ARHGAP26: variants seen among roughly 807,000 people sequenced by gnomAD.
ARHGAP26 encodes Rho GTPase activating protein 26, also known as rho GTPase-activating protein 26.
ARHGAP26 carries 38 observed loss-of-function variants against 104.8 expected under a neutral mutation model. The ratio of observed to expected loss-of-function variants is 0.36; its 90% CI spans 0.28 to 0.48. The LOEUF (loss-of-function observed/expected upper bound fraction) is 0.48, where lower values mean the gene tolerates loss of function less well. Among genes scored for constraint, ARHGAP26 ranks in the 20% least tolerant of loss-of-function variants. The probability of loss-of-function intolerance (pLI) is 0.99; values close to 1 mark genes in which losing one functional copy is unlikely to be tolerated. For synonymous variants in ARHGAP26, 341 were observed against 340.0 expected (o/e 1.00, Z -0.03); for missense variants, 704 against 947.9 (o/e 0.74, Z 3.38).
In ARHGAP26 at chr5:142,892,274, A is replaced by G. The variant is rs137889973; in HGVS notation, c.487-1964A>G. Among the ~76,000 whole-genome samples the G allele has an allele frequency of 1.9e-3, 284 of 152,020 alleles. 7 individuals carry two copies. The highest frequency in any genetic ancestry group is 6.4e-3 in the African/African-American group (263 of 41,296). On this transcript the variant is annotated intron_variant, in intron 5 of 22. Coordinates refer to ENST00000645722, the MANE Select transcript of ARHGAP26 (RefSeq NM_001135608.3). ...TTTTCACTGTAAGAATCTGTCTCCC[A>G]TGGAACCCAGGTTGTCCCAGGGTAT...
chr5:142,987,093 C>T (rs968359763), intron 11 of ARHGAP26, among the ~76,000 whole-genome samples: 1 of 143,012 alleles, frequency 7.0e-6, no homozygotes, highest in African/African-American at 2.5e-5. Flanking sequence ...GGCGGTATGG[C>T]CATTTTCACG....
chr5:143,192,510 GGTTATA>G, intron 20 of ARHGAP26: 1 of 152,358 alleles, frequency 6.6e-6, no homozygotes, highest in Middle Eastern at 3.4e-3. Flanking sequence ...CATTTTAAAT[GGTTATA>G]TAAGTAGCTA....
chr5:143,035,697 A>G lies in ARHGAP26; in HGVS notation c.1145-1499A>G, dbSNP rs376693987. Among the ~76,000 whole-genome samples the G allele has an allele frequency of 2.2e-4, 33 of 152,292 alleles. 2 individuals are homozygous for G. The East Asian group carries it at 6.2e-3, about 28-fold the overall frequency. On this transcript the variant is annotated intron_variant, in intron 12 of 22. Transcript: ENST00000645722. ...ACGCCTGTAATCCCAGCATTTTGGG[A>G]GGCCGAGGCGGGTAGATCACCTGAG...
At chr5:143,032,181 G>A (rs1781974613) in intron 12 of ARHGAP26, among the ~76,000 whole-genome samples, 1 of 152,186 alleles carries the variant, frequency 6.6e-6, no homozygotes, top group African/African-American at 2.4e-5. Flanking sequence ...TCTAACCTGG[G>A]AGGCCAACCT....
chr5:142,882,603 G>A (rs1283111663), intron 4 of ARHGAP26, among the ~76,000 whole-genome samples: 1 of 152,188 alleles, frequency 6.6e-6, no homozygotes, highest in African/African-American at 2.4e-5. Flanking sequence ...ATGGCACACA[G>A]GACATGGAAA....
intron 4 of ARHGAP26, among the ~76,000 whole-genome samples, chr5:142,880,517 CAAAA>C (rs36049761): frequency 6.9e-6 from 1 of 144,592 alleles, no homozygotes. Context: ...ACTCCATGTC[CAAAA>C]AAAAAAAAAT....
intron 1 of ARHGAP26, among the ~76,000 whole-genome samples, chr5:142,782,798 A>G (rs1757788487): frequency 6.6e-6 from 1 of 152,206 alleles, no homozygotes; most frequent in Non-Finnish European, 1.5e-5. Flanking sequence ...AGATAATTGT[A>G]GATATTATGC....
At position 143,224,039 on chromosome 5, in the gene ARHGAP26, A is replaced by G. The variant is rs1811467199; in HGVS notation, c.*1593A>G. On this transcript the variant is annotated 3_prime_UTR_variant, in exon 23 of 23. Coordinates refer to ENST00000645722, the MANE Select transcript of ARHGAP26 (RefSeq NM_001135608.3). ...CTTCAGAGTGTTTCCTGTTTCTGGA[A>G]TTCCTTGTTAGGGAACTTTAAAGAA... 1 of 231,306 alleles carries G rather than the reference A, an allele frequency of 4.3e-6. No individual in the cohort carries two copies. Among genetic ancestry groups the G allele is most frequent in the African/African-American group, 2.2e-5 (1 of 45,212 alleles). The allele number at this position is 231,306 out of a possible 1,614,324, so 14.3% of individuals were successfully genotyped here.
chr5:142,946,554 T>G (rs1767138838), intron 11 of ARHGAP26: 1 of 152,226 alleles, frequency 6.6e-6, no homozygotes, highest in Non-Finnish European at 1.5e-5. Context: ...TTTCTGCAGC[T>G]TTTTCTTATT....
chr5:143,064,389 T>C lies in ARHGAP26; in HGVS notation c.1538+6642T>C, dbSNP rs375249606. On this transcript the variant is annotated intron_variant, in intron 17 of 22. Coordinates refer to ENST00000645722, the MANE Select transcript of ARHGAP26 (RefSeq NM_001135608.3). ...GAAATGGGCTAAGGGAGTTACTTCC[T>C]TGACTGGCTCTTTTTTTTTTTTTTT... is the stretch of plus-strand genomic sequence containing the variant. Among the ~76,000 whole-genome samples the C allele has an allele frequency of 9.2e-5, 14 of 151,394 alleles. No individual in the cohort carries two copies. The East Asian group carries it at 2.0e-3, about 21-fold the overall frequency.
chr5:142,783,670 C>T (rs145886662), intron 1 of ARHGAP26, among the ~76,000 whole-genome samples: 1,537 of 152,262 alleles, frequency 0.01, 13 homozygotes, highest in Non-Finnish European at 0.017. Flanking sequence ...TCATTTCTGG[C>T]AAATACTGCT....
In ARHGAP26 at chr5:142,798,783, A is replaced by C. The variant is rs184271233; in HGVS notation, c.154+27868A>C. Among the ~76,000 whole-genome samples, 353 of 152,130 alleles carry C rather than the reference A, an allele frequency of 2.3e-3. 1 individual carries two copies. The highest frequency in any genetic ancestry group is 8.2e-3 in the African/African-American group (342 of 41,508). Reference sequence around the variant, plus strand: ...TCTTCCCCATGCTTCTCCTTTTTCTACTGGTCTTGTCATTTTATAAATGCA... The same window carrying C: ...TCTTCCCCATGCTTCTCCTTTTTCTCCTGGTCTTGTCATTTTATAAATGCA... On this transcript the variant is annotated intron_variant, in intron 1 of 22. Transcript: ENST00000645722.
chr5:142,874,291 C>T (rs1234260392), intron 2 of ARHGAP26, among the ~76,000 whole-genome samples: 1 of 152,228 alleles, frequency 6.6e-6, no homozygotes, highest in African/African-American at 2.4e-5. Context: ...GCACACTATT[C>T]TTCTATAGGC....
intron 1 of ARHGAP26, among the ~76,000 whole-genome samples, chr5:142,798,810 G>A (rs1761497877): frequency 6.6e-6 from 1 of 152,138 alleles, no homozygotes; most frequent in African/African-American, 2.4e-5. Flanking sequence ...ATAAATGCAG[G>A]AACTATATAC....
intron 20 of ARHGAP26, among the ~76,000 whole-genome samples, chr5:143,158,271 G>A (rs1256516898): frequency 6.6e-6 from 1 of 151,902 alleles, no homozygotes; most frequent in Non-Finnish European, 1.5e-5. Context: ...ATTTTAAAAA[G>A]GAATTAAAAT....
intron 22 of ARHGAP26, among the ~76,000 whole-genome samples, chr5:143,220,431 C>T (rs1175401443): frequency 6.6e-6 from 1 of 152,202 alleles, no homozygotes; most frequent in Non-Finnish European, 1.5e-5. Context: ...TTTATCCACA[C>T]CAGCTCCTTT....
chr5:142,854,849 A>T (rs1752085574), intron 1 of ARHGAP26, among the ~76,000 whole-genome samples: 1 of 152,078 alleles, frequency 6.6e-6, no homozygotes, highest in African/African-American at 2.4e-5. Context: ...TGATGTTGGG[A>T]CTTTGTATTT....
intron 1 of ARHGAP26, among the ~76,000 whole-genome samples, chr5:142,806,413 G>C (rs1270035969): frequency 6.6e-6 from 1 of 152,052 alleles, no homozygotes. Context: ...TTTTAATTCA[G>C]TGATGTTAAT....
chr5:143,101,642 T>C (rs1333266576), intron 17 of ARHGAP26, among the ~76,000 whole-genome samples: 5 of 151,846 alleles, frequency 3.3e-5, no homozygotes, highest in South Asian at 2.1e-4. Flanking sequence ...TTCCCTTCTT[T>C]TTTTTTTTTA....
Sources: allele counts gnomAD v4.1 joint callset (sites outside exome capture counted in the v4.1 genomes callset), GRCh38; gene constraint gnomAD v4.1.1; transcripts MANE v1.5; gene names NCBI Gene and HGNC (gene_info 2026-07-23, HGNC 2026-07-21).